Variants in THRB observed in about 807,000 individuals in gnomAD.
THRB encodes thyroid hormone receptor beta.
THRB carries 12 observed loss-of-function variants against 47.8 expected under a neutral mutation model. The ratio of observed to expected loss-of-function variants is 0.25; its 90% CI spans 0.16 to 0.41. The LOEUF is 0.41. Among genes scored for constraint, THRB ranks in the 10% least tolerant of loss-of-function variants. THRB has a pLI of 1.00. For missense variants in THRB, 348 were observed against 589.2 expected, an observed-to-expected ratio of 0.59 and a Z score of 4.24; for synonymous variants, 218 against 212.2, an observed-to-expected ratio of 1.03 and a Z score of -0.24.
intron 1 of THRB, among the ~76,000 whole-genome samples, chr3:24,371,162 TA>T (rs2064876232): frequency 6.6e-6 from 1 of 152,144 alleles, no homozygotes; most frequent in Non-Finnish European, 1.5e-5. Context: ...TTAGAACACC[TA>T]TCTACATTAG....
chr3:24,362,995 T>C (rs891331912), intron 1 of THRB, among the ~76,000 whole-genome samples: 2 of 152,148 alleles, frequency 1.3e-5, no homozygotes, highest in African/African-American at 2.4e-5. Flanking sequence ...TGGGAGCTGA[T>C]GGGAAAATGA....
chr3:24,188,743 C>A (rs1050142346), intron 5 of THRB, among the ~76,000 whole-genome samples: 2 of 57,866 alleles, frequency 3.5e-5, no homozygotes, highest in Non-Finnish European at 6.0e-5. Flanking sequence ...ATGTATTTTG[C>A]GCACGCACAC....
intron 3 of THRB, among the ~76,000 whole-genome samples, chr3:24,252,823 T>C (rs1158716347): frequency 6.6e-6 from 1 of 152,086 alleles, no homozygotes; most frequent in African/African-American, 2.4e-5. Context: ...GTGTACACGG[T>C]ATGTGACATC....
chr3:24,237,551 C>T (rs1219917481), intron 3 of THRB, among the ~76,000 whole-genome samples: 1 of 152,142 alleles, frequency 6.6e-6, no homozygotes, highest in Admixed American at 6.5e-5. Context: ...CTTCCTCTTC[C>T]CCTCTCCTTT....
At chr3:24,189,234 C>A (rs1051325791) in intron 5 of THRB, among the ~76,000 whole-genome samples, 1 of 151,998 alleles carries the variant, frequency 6.6e-6, no homozygotes, top group Non-Finnish European at 1.5e-5. Flanking sequence ...TAAAACTTTA[C>A]CATGAGTCAC....
chr3:24,299,780 TATTTATTTA>T (rs764688313), intron 2 of THRB, among the ~76,000 whole-genome samples: 2,058 of 37,040 alleles, frequency 0.056, 390 homozygotes, highest in South Asian at 0.099. Context: ...TTTATTTATT[TATTTATTTA>T]TTTTTTTTTT....
chr3:24,334,289 A>C (rs1354450001), intron 2 of THRB, among the ~76,000 whole-genome samples: 1 of 152,146 alleles, frequency 6.6e-6, no homozygotes, highest in Non-Finnish European at 1.5e-5. Context: ...AGGCCTTTCA[A>C]CCTCAGTCAC....
intron 1 of THRB, among the ~76,000 whole-genome samples, chr3:24,352,534 C>G (rs1255300322): frequency 6.6e-6 from 1 of 152,166 alleles, no homozygotes; most frequent in African/African-American, 2.4e-5. Flanking sequence ...TCACAGATGT[C>G]TACAGGAACA....
intron 1 of THRB, among the ~76,000 whole-genome samples, chr3:24,452,447 C>T (rs1310922603): frequency 6.6e-6 from 1 of 151,984 alleles, no homozygotes; most frequent in Non-Finnish European, 1.5e-5. Flanking sequence ...ATGCTTACAG[C>T]AGGGTTGAGA....
At chr3:24,235,791 G>C (rs1303641718) in intron 3 of THRB, among the ~76,000 whole-genome samples, 1 of 152,194 alleles carries the variant, frequency 6.6e-6, no homozygotes, top group East Asian at 1.9e-4. Flanking sequence ...ACTAGATGCA[G>C]AATCAGTGGA....
chr3:24,324,971 T>C (rs1165650075), intron 2 of THRB, among the ~76,000 whole-genome samples: 1 of 152,326 alleles, frequency 6.6e-6, no homozygotes, highest in African/African-American at 2.4e-5. Context: ...AATGGGAACA[T>C]CAAAATAAAA....
At chr3:24,435,155 T>C (rs2070812674) in intron 1 of THRB, among the ~76,000 whole-genome samples, 1 of 152,156 alleles carries the variant, frequency 6.6e-6, no homozygotes, top group Non-Finnish European at 1.5e-5. Flanking sequence ...GCTTCCAGCT[T>C]GGCTGATTAG....
chr3:24,335,728 C>G (rs1210007152), intron 2 of THRB, among the ~76,000 whole-genome samples: 1 of 152,152 alleles, frequency 6.6e-6, no homozygotes, highest in Admixed American at 6.5e-5. Flanking sequence ...TTTTCTAGAA[C>G]TACATAAAAT....
chr3:24,241,818 T>C (rs1305420820), intron 3 of THRB, among the ~76,000 whole-genome samples: 1 of 152,150 alleles, frequency 6.6e-6, no homozygotes, highest in African/African-American at 2.4e-5. Flanking sequence ...CCAGACCTAA[T>C]GAGTTATAAA....
chr3:24,158,886 C>T (rs906141187), intron 5 of THRB, among the ~76,000 whole-genome samples: 1 of 151,652 alleles, frequency 6.6e-6, no homozygotes, highest in African/African-American at 2.4e-5. Context: ...TACTTGGGGG[C>T]ATTGGAGTTG....
chr3:24,276,710 G>C (rs924155861), intron 3 of THRB, among the ~76,000 whole-genome samples: 4 of 152,190 alleles, frequency 2.6e-5, no homozygotes, highest in African/African-American at 9.7e-5. Flanking sequence ...CTGTAGAAGG[G>C]AGGAGGCAAC....
At chr3:24,427,017 G>T (rs2069836626) in intron 1 of THRB, among the ~76,000 whole-genome samples, 1 of 151,904 alleles carries the variant, frequency 6.6e-6, no homozygotes, top group African/African-American at 2.4e-5. Flanking sequence ...CCCTTGGCTA[G>T]CTGAGGGATT....
At chr3:24,279,561 A>ATTTT (rs35249696) in intron 3 of THRB, among the ~76,000 whole-genome samples, 1 of 141,098 alleles carries the variant, frequency 7.1e-6, no homozygotes. Flanking sequence ...ATTTTTTTGT[A>ATTTT]TTTTTTTTTT....
At chr3:24,432,808 A>G (rs1174724429) in intron 1 of THRB, among the ~76,000 whole-genome samples, 1 of 152,030 alleles carries the variant, frequency 6.6e-6, no homozygotes, top group Non-Finnish European at 1.5e-5. Flanking sequence ...AAATTAAAAT[A>G]TCAGCTCACA....
Sources: gnomAD v4.1 joint callset for allele counts (sites outside exome capture counted in the v4.1 genomes callset) on GRCh38, gnomAD v4.1.1 for gene constraint, MANE v1.5 for transcripts, NCBI Gene and HGNC (gene_info 2026-07-23, HGNC 2026-07-21) for gene names.